SEMA6D: variants seen among roughly 807,000 people sequenced by gnomAD.
SEMA6D encodes the protein semaphorin-6D.
In SEMA6D, 35 loss-of-function variants were observed where a neutral mutation model predicts 106.6. The ratio of observed to expected loss-of-function variants is 0.33; its 90% CI spans 0.25 to 0.44. The LOEUF (loss-of-function observed/expected upper bound fraction) is 0.44, where lower values mean the gene tolerates loss of function less well. SEMA6D is among the 20% of genes least tolerant of loss of function. The pLI, the probability that SEMA6D is intolerant of heterozygous loss-of-function variation, is 1.00. For missense variants in SEMA6D, 1,185 were observed against 1,345.9 expected, an observed-to-expected ratio of 0.88 and a Z score of 1.87; for synonymous variants, 499 against 487.7, an observed-to-expected ratio of 1.02 and a Z score of -0.31.
chr15:47,507,910 A>G (rs2044101608), intron 3 of SEMA6D, among the ~76,000 whole-genome samples: 1 of 152,240 alleles, frequency 6.6e-6, no homozygotes. Context: ...CCTTCGGGCT[A>G]CAGATGGCAA....
chr15:47,222,596 C>A (rs1237899797), intron 1 of SEMA6D, among the ~76,000 whole-genome samples: 2 of 152,148 alleles, frequency 1.3e-5, no homozygotes, highest in Non-Finnish European at 2.9e-5. Context: ...TCTGTACCAT[C>A]AAGAAGGTAC....
intron 1 of SEMA6D, among the ~76,000 whole-genome samples, chr15:47,719,378 C>T (rs1219578933): frequency 6.6e-6 from 1 of 152,206 alleles, no homozygotes; most frequent in Non-Finnish European, 1.5e-5. Context: ...TCTGCCACTA[C>T]AGCGGGGGCT....
intron 3 of SEMA6D, among the ~76,000 whole-genome samples, chr15:47,506,382 A>AG (rs1337765163): frequency 2.0e-5 from 3 of 152,064 alleles, no homozygotes; most frequent in Non-Finnish European, 1.5e-5. Context: ...CATCGGAGAA[A>AG]CCTTTGCTAA....
intron 4 of SEMA6D, among the ~76,000 whole-genome samples, chr15:47,689,017 T>C (rs1299837259): frequency 6.6e-6 from 1 of 152,172 alleles, no homozygotes; most frequent in Admixed American, 6.5e-5. Flanking sequence ...ACAAATATAA[T>C]GGATTTAATA....
intron 3 of SEMA6D, among the ~76,000 whole-genome samples, chr15:47,497,047 C>G (rs2043688330): frequency 6.6e-6 from 1 of 152,092 alleles, no homozygotes; most frequent in African/African-American, 2.4e-5. Flanking sequence ...CCTTTCTTCA[C>G]TCTCTCAATA....
chr15:47,194,259 T>C (rs929071847), intron 1 of SEMA6D, among the ~76,000 whole-genome samples: 4 of 152,180 alleles, frequency 2.6e-5, no homozygotes, highest in Admixed American at 6.5e-5. Flanking sequence ...ACTAAGGAGA[T>C]ACAGAAGGTT....
In SEMA6D at chr15:47,421,002, G is replaced by A. The variant is rs544370074; in HGVS notation, c.-159+8530G>A. ...GCTATTTCTCTTCTTATCTTACAAT[G>A]TAGAGATATTGCAAGGATTTTAAAG... is the stretch of plus-strand genomic sequence containing the variant. On this transcript the variant is annotated intron_variant, in intron 2 of 19. Transcript: ENST00000558014. Among the ~76,000 whole-genome samples the A allele has an allele frequency of 3.3e-5, 5 of 152,238 alleles. No homozygotes were observed. In the South Asian group the frequency reaches 8.3e-4, roughly 25 times the overall value.
intron 1 of SEMA6D, among the ~76,000 whole-genome samples, chr15:47,291,352 C>G (rs1043719332): frequency 7.9e-5 from 12 of 152,198 alleles, no homozygotes; most frequent in African/African-American, 9.7e-5. Flanking sequence ...CTGAATTTCT[C>G]TACCTCCCTC....
chr15:47,289,072 G>A (rs2035490144), intron 1 of SEMA6D, among the ~76,000 whole-genome samples: 1 of 152,046 alleles, frequency 6.6e-6, no homozygotes, highest in African/African-American at 2.4e-5. Flanking sequence ...ATGTCAGAGA[G>A]GATTTATTTT....
chr15:47,274,459 T>A (rs780947374), intron 1 of SEMA6D: 2 of 152,188 alleles, frequency 1.3e-5, no homozygotes, highest in Non-Finnish European at 2.9e-5. Context: ...TTTCTCATGC[T>A]GTTCCTCCAG....
rs1223815101 is a variant in SEMA6D at position 47,256,427 on chromosome 15, A to G, written c.-239+72009A>G. On this transcript the variant is annotated intron_variant, in intron 1 of 19. Coordinates refer to the SEMA6D transcript ENST00000558014. The stretch of plus-strand genomic sequence containing the variant: ...TACAGGTCGCATAACAGTTTTGTTA[A>G]GTGTATACTTATGTACTATATATTC... 2.0e-5 allele frequency among the ~76,000 whole-genome samples: 3 copies of G among 152,302 alleles called. No individual in the cohort carries two copies. The East Asian group carries it at 5.8e-4, about 29-fold the overall frequency.
chr15:47,718,954 C>T (rs927143496), intron 1 of SEMA6D: 1 of 152,172 alleles, frequency 6.6e-6, no homozygotes, highest in Non-Finnish European at 1.5e-5. Flanking sequence ...AGCCTCCTTC[C>T]TTGGGTAATT....
intron 1 of SEMA6D, among the ~76,000 whole-genome samples, chr15:47,741,350 G>A (rs2080802396): frequency 1.3e-5 from 2 of 152,196 alleles, no homozygotes; most frequent in Admixed American, 6.5e-5. Flanking sequence ...ACCCTGGCTT[G>A]TTATAATCAG....
intron 3 of SEMA6D, among the ~76,000 whole-genome samples, chr15:47,574,902 A>C (rs2142964355): frequency 6.6e-6 from 1 of 152,330 alleles, no homozygotes; most frequent in South Asian, 2.1e-4. Context: ...GGGTCTAAAT[A>C]CACTAATCTA....
intron 1 of SEMA6D, among the ~76,000 whole-genome samples, chr15:47,300,294 A>G (rs906043775): frequency 1.3e-5 from 2 of 152,148 alleles, no homozygotes; most frequent in African/African-American, 4.8e-5. Context: ...GTGCCAAGTG[A>G]ACCTGGGCCA....
At chr15:47,540,841 A>G (rs1361221199) in intron 3 of SEMA6D, among the ~76,000 whole-genome samples, 1 of 152,188 alleles carries the variant, frequency 6.6e-6, no homozygotes, top group Non-Finnish European at 1.5e-5. Context: ...GCCAAGAGTC[A>G]GAGTGGGGAG....
At chr15:47,247,234 G>A (rs1401150199) in intron 1 of SEMA6D, among the ~76,000 whole-genome samples, 6 of 152,118 alleles carry the variant, frequency 3.9e-5, no homozygotes, top group Non-Finnish European at 8.8e-5. Flanking sequence ...AGGAGAAAAG[G>A]GAGACGAGAA....
intron 1 of SEMA6D, among the ~76,000 whole-genome samples, chr15:47,207,662 C>T (rs1011572963): frequency 3.3e-5 from 5 of 151,926 alleles, no homozygotes; most frequent in African/African-American, 1.2e-4. Context: ...GCCTGGCTAC[C>T]CTATTTGTCT....
At chr15:47,429,324 T>C (rs1172232412) in intron 2 of SEMA6D, among the ~76,000 whole-genome samples, 1 of 152,152 alleles carries the variant, frequency 6.6e-6, no homozygotes, top group Non-Finnish European at 1.5e-5. Context: ...CTTTTTAGCA[T>C]TCTTGTAAGA....
Sources: gnomAD v4.1 joint callset for allele counts (sites outside exome capture counted in the v4.1 genomes callset) on GRCh38, gnomAD v4.1.1 for gene constraint, MANE v1.5 for transcripts, NCBI Gene and HGNC (gene_info 2026-07-23, HGNC 2026-07-21) for gene names.